DGKB: variants seen among roughly 807,000 people sequenced by gnomAD.
DGKB encodes the protein 90 kDa diacylglycerol kinase.
A neutral mutation model predicts 114.3 loss-of-function variants in DGKB; 67 were observed. The ratio of observed to expected loss-of-function variants is 0.59; its 90% CI spans 0.48 to 0.72. The LOEUF (loss-of-function observed/expected upper bound fraction) is 0.72, where lower values mean the gene tolerates loss of function less well. Ranked by LOEUF, DGKB falls within the 30% of genes least tolerant of loss-of-function variation. The pLI is 0.00. For missense variants in DGKB, 907 were observed against 975.2 expected (o/e 0.93, Z 0.93); for synonymous variants, 398 against 323.1 (o/e 1.23, Z -2.49).
intron 23 of DGKB, among the ~76,000 whole-genome samples, chr7:14,224,526 C>T (rs1197240504): frequency 1.3e-5 from 2 of 151,776 alleles, no homozygotes; most frequent in Non-Finnish European, 2.9e-5. Context: ...GTTTTTTCTC[C>T]CTTGTGTATG....
At chr7:14,955,129 T>A (rs1243632778) in intron 1 of DGKB, among the ~76,000 whole-genome samples, 3 of 151,962 alleles carry the variant, frequency 2.0e-5, no homozygotes, top group Admixed American at 6.6e-5. Flanking sequence ...TATAAAAAAA[T>A]TGCTGAGAAA....
At chr7:14,356,604 C>T (rs1231025542) in intron 21 of DGKB, among the ~76,000 whole-genome samples, 1 of 151,988 alleles carries the variant, frequency 6.6e-6, no homozygotes, top group Non-Finnish European at 1.5e-5. Context: ...TCGTGATCAG[C>T]CCACCTCAGC....
At chr7:14,265,386 A>C (rs934211191) in intron 23 of DGKB, among the ~76,000 whole-genome samples, 1 of 133,638 alleles carries the variant, frequency 7.5e-6, no homozygotes, top group African/African-American at 2.8e-5. Context: ...TTAACTAGCC[A>C]TGCTTTTCTG....
chr7:14,460,676 G>A (rs1163684332), intron 21 of DGKB, among the ~76,000 whole-genome samples: 1 of 152,090 alleles, frequency 6.6e-6, no homozygotes, highest in African/African-American at 2.4e-5. Context: ...ACACCCCACT[G>A]TCAATATCAG....
At chr7:14,843,872 A>G (rs59145892) in intron 1 of DGKB, among the ~76,000 whole-genome samples, 134,500 of 151,910 alleles carry the variant, frequency 0.89, 59,950 homozygotes, top group East Asian at 1. Context: ...TTACAGTTAC[A>G]CGAAAGGCAG....
chr7:14,695,492 C>T (rs1358198615), intron 8 of DGKB, among the ~76,000 whole-genome samples: 108 of 73,374 alleles, frequency 1.5e-3, no homozygotes, highest in Admixed American at 1.8e-3. Flanking sequence ...CTCTCTCTCT[C>T]TCTTTTTTTT....
chr7:14,622,892 C>T (rs2128819665), intron 14 of DGKB, among the ~76,000 whole-genome samples: 1 of 152,264 alleles, frequency 6.6e-6, no homozygotes, highest in Middle Eastern at 3.4e-3. Context: ...GGGCCTTGGT[C>T]CTGACTTCAG....
intron 20 of DGKB, among the ~76,000 whole-genome samples, chr7:14,536,840 G>GA (rs112715630): frequency 0.35 from 51,618 of 146,278 alleles, 9,253 homozygotes; most frequent in Admixed American, 0.44. Context: ...ATTAAGAAAG[G>GA]AAAAAAACAA....
chr7:14,864,401 A>C (rs946008630), intron 1 of DGKB, among the ~76,000 whole-genome samples: 1 of 152,134 alleles, frequency 6.6e-6, no homozygotes, highest in Non-Finnish European at 1.5e-5. Flanking sequence ...ACCATCCTTC[A>C]ATCAATATGT....
intron 23 of DGKB, among the ~76,000 whole-genome samples, chr7:14,240,068 T>G (rs1340519935): frequency 2.0e-5 from 3 of 152,074 alleles, no homozygotes; most frequent in Non-Finnish European, 4.4e-5. Context: ...TGTGACAAAG[T>G]GGAGAAGATA....
chr7:14,321,239 C>T (rs1807732765), intron 23 of DGKB, among the ~76,000 whole-genome samples: 1 of 152,110 alleles, frequency 6.6e-6, no homozygotes, highest in African/African-American at 2.4e-5. Flanking sequence ...TGCAGTAAGC[C>T]AGTATCACAT....
intron 23 of DGKB, among the ~76,000 whole-genome samples, chr7:14,232,473 A>AT (rs1792062594): frequency 1.3e-5 from 2 of 151,560 alleles, no homozygotes; most frequent in Admixed American, 6.6e-5. Flanking sequence ...ACTTAGGATG[A>AT]TTGGCCATAT....
chr7:14,266,286 A>G (rs139143713), intron 23 of DGKB, among the ~76,000 whole-genome samples: 266 of 152,256 alleles, frequency 1.7e-3, no homozygotes, highest in African/African-American at 6.1e-3. Context: ...ATTTTGCATC[A>G]TATATTTTTA....
At chr7:14,698,052 C>A (rs1245686338) in intron 8 of DGKB, 43 bp downstream of exon 8, 3 of 989,576 alleles carry the variant, frequency 3.0e-6, no homozygotes, top group South Asian at 2.9e-5. Flanking sequence ...AAGAAAGAGG[C>A]CTTCCAGAAT....
chr7:14,873,190 G>A (rs1321211964), intron 1 of DGKB, among the ~76,000 whole-genome samples: 1 of 152,110 alleles, frequency 6.6e-6, no homozygotes, highest in East Asian at 1.9e-4. Flanking sequence ...TCTTTGGGAA[G>A]TTCTTGTCTG....
At chr7:14,286,828 T>G (rs1004731859) in intron 23 of DGKB, among the ~76,000 whole-genome samples, 1 of 152,134 alleles carries the variant, frequency 6.6e-6, no homozygotes, top group African/African-American at 2.4e-5. Context: ...TTATAAAATA[T>G]GTGCCAACAA....
At chr7:14,680,738 T>C (rs1585603339) in intron 12 of DGKB, among the ~76,000 whole-genome samples, 1 of 151,988 alleles carries the variant, frequency 6.6e-6, no homozygotes, top group Non-Finnish European at 1.5e-5. Context: ...ACAGACTTCA[T>C]GGAGATTAAA....
At chr7:14,558,541 T>C (rs1796194620) in intron 20 of DGKB, among the ~76,000 whole-genome samples, 1 of 152,162 alleles carries the variant, frequency 6.6e-6, no homozygotes, top group Non-Finnish European at 1.5e-5. Context: ...TTTCTGCTTT[T>C]TTAAAAAAAA....
intron 4 of DGKB, among the ~76,000 whole-genome samples, 175 bp from the exon 5 acceptor site, chr7:14,736,369 C>T (rs1054869848): frequency 2.6e-5 from 4 of 152,122 alleles, no homozygotes; most frequent in African/African-American, 9.7e-5. Flanking sequence ...CTAACACTGG[C>T]AATGGGATAT....
Sources: gnomAD v4.1 joint callset for allele counts (sites outside exome capture counted in the v4.1 genomes callset) on GRCh38, gnomAD v4.1.1 for gene constraint, MANE v1.5 for transcripts, NCBI Gene and HGNC (gene_info 2026-07-23, HGNC 2026-07-21) for gene names.